The following KATNAL2 variants were observed in gnomAD, a reference collection of about 807,000 sequenced individuals.
The protein encoded by KATNAL2 is katanin p60 ATPase-containing subunit A-like 2.
KATNAL2 carries 52 observed loss-of-function variants against 76.3 expected under a neutral mutation model. That is an observed-to-expected ratio of 0.68 (90% confidence interval 0.55 to 0.86). The LOEUF is 0.86. KATNAL2 is among the 40% of genes least tolerant of loss of function. KATNAL2 has a pLI of 0.00. For missense variants in KATNAL2, 660 were observed against 668.9 expected, an observed-to-expected ratio of 0.99 and a Z score of 0.15; for synonymous variants, 243 against 244.2, an observed-to-expected ratio of 1.00 and a Z score of 0.05.
chr18:47,082,844 T>C (rs777643553), intron 15 of KATNAL2, among the ~76,000 whole-genome samples: 1 of 152,196 alleles, frequency 6.6e-6, no homozygotes, highest in Non-Finnish European at 1.5e-5. Context: ...CATGAAAGTA[T>C]GGTAGAGCCT....
chr18:46,953,768 G>T (rs1359600476), intron 3 of KATNAL2, among the ~76,000 whole-genome samples: 1 of 150,062 alleles, frequency 6.7e-6, no homozygotes, highest in Non-Finnish European at 1.5e-5. Flanking sequence ...AAAAAAAAAA[G>T]ATATAAAAAA....
At chr18:46,936,966 C>CA (rs746057383) in intron 1 of KATNAL2, among the ~76,000 whole-genome samples, 2 of 151,850 alleles carry the variant, frequency 1.3e-5, no homozygotes, top group African/African-American at 4.8e-5. Context: ...AAAAGAAAAA[C>CA]AAAAAAATTA....
chr18:47,061,723 T>C (rs2147145842), intron 8 of KATNAL2, among the ~76,000 whole-genome samples: 2 of 152,360 alleles, frequency 1.3e-5, no homozygotes, highest in African/African-American at 4.8e-5. Flanking sequence ...TAAGTTGTTT[T>C]ATAATTTCTC....
intron 3 of KATNAL2, among the ~76,000 whole-genome samples, chr18:47,025,816 T>C: frequency 6.6e-6 from 1 of 152,306 alleles, no homozygotes; most frequent in African/African-American, 2.4e-5. Flanking sequence ...GCAGGATCCT[T>C]AGGTTGATGC....
chr18:46,917,639 G>C lies in KATNAL2; in HGVS notation c.-797G>C. ...GACAGCGCCCGCCCGCGCCTGCCCC[G>C]GCGTGCTGCCCCGCGGCTTGGCCCC... is the stretch of plus-strand genomic sequence containing the variant. On this transcript the variant is annotated 5_prime_UTR_variant, in exon 1 of 18. Coordinates refer to ENST00000683218, the MANE Select transcript of KATNAL2 (RefSeq NM_001387690.1). 2 of 817,472 alleles carry C rather than the reference G, an allele frequency of 2.4e-6. No individual in the cohort carries two copies. The highest frequency in any genetic ancestry group is 3.0e-6 in the Non-Finnish European group (2 of 673,322). 50.6% of individuals were successfully genotyped at this position (817,472 alleles called of 1,614,324 possible).
Position 46,917,627 on chromosome 18 carries a change from C to T in KATNAL2, c.-809C>T, listed in dbSNP as rs896011176. On this transcript the variant is annotated 5_prime_UTR_variant, in exon 1 of 18. Transcript: ENST00000683218. Reference sequence around the variant, plus strand: ...AGTCCGCGCGGCGACAGCGCCCGCCCGCGCCTGCCCCGGCGTGCTGCCCCG... The same window carrying T: ...AGTCCGCGCGGCGACAGCGCCCGCCTGCGCCTGCCCCGGCGTGCTGCCCCG... 38 of 915,802 alleles carry T rather than the reference C, an allele frequency of 4.1e-5. No individual in the cohort carries two copies. In the East Asian group the frequency reaches 3.4e-3, roughly 82 times the overall value. The allele number at this position is 915,802 out of a possible 1,614,324, so 56.7% of individuals were successfully genotyped here. A position where few individuals can be genotyped will look rare whatever the true frequency, so the allele number is the denominator to read the frequency against.
At chr18:47,041,401 C>G (rs1482408997) in intron 3 of KATNAL2, among the ~76,000 whole-genome samples, 1 of 152,222 alleles carries the variant, frequency 6.6e-6, no homozygotes, top group Non-Finnish European at 1.5e-5. Context: ...TATCCTTTTA[C>G]TGTCTCTATA....
At chr18:47,071,965 T>C (rs2062024096) in intron 13 of KATNAL2, among the ~76,000 whole-genome samples, 4 of 96,162 alleles carry the variant, frequency 4.2e-5, no homozygotes, top group Non-Finnish European at 5.9e-5. Context: ...TTTTTTTTTT[T>C]TTTTTTTTTT....
chr18:47,068,976 C>G (rs907380107), intron 11 of KATNAL2, among the ~76,000 whole-genome samples: 3 of 152,032 alleles, frequency 2.0e-5, no homozygotes, highest in Non-Finnish European at 2.9e-5. Context: ...CCTTTCCTTC[C>G]AAAAAAATTG....
At chr18:47,035,675 A>C (rs1021974503) in intron 3 of KATNAL2, 5 of 327,574 alleles carry the variant, frequency 1.5e-5, no homozygotes, top group East Asian at 7.3e-5. Flanking sequence ...CACAATGCAG[A>C]CAATCGGGAC....
At chr18:47,048,353 G>T (rs1173239610) in intron 4 of KATNAL2, among the ~76,000 whole-genome samples, 2 of 152,210 alleles carry the variant, frequency 1.3e-5, no homozygotes, top group Non-Finnish European at 2.9e-5. Context: ...AAAGGAAAAA[G>T]GTGAGGAGGG....
chr18:47,071,335 T>C (rs1159225853), intron 13 of KATNAL2, among the ~76,000 whole-genome samples: 1 of 152,128 alleles, frequency 6.6e-6, no homozygotes, highest in African/African-American at 2.4e-5. Flanking sequence ...AGAAACATAC[T>C]ATGTTCCCTT....
chr18:47,075,496 T>A (rs2062174731), intron 14 of KATNAL2, 128 bp downstream of exon 14: 1 of 543,634 alleles, frequency 1.8e-6, no homozygotes, highest in African/African-American at 2.0e-5. Flanking sequence ...AGCCCACAAA[T>A]TTTCTGCAGA....
At chr18:47,031,335 A>T (rs1228089303) in intron 3 of KATNAL2, among the ~76,000 whole-genome samples, 2 of 151,298 alleles carry the variant, frequency 1.3e-5, no homozygotes, top group African/African-American at 2.4e-5. Flanking sequence ...TGAAATATGT[A>T]TGTTTTCGGC....
chr18:47,047,070 A>G (rs947381011), intron 4 of KATNAL2, among the ~76,000 whole-genome samples: 1 of 151,972 alleles, frequency 6.6e-6, no homozygotes, highest in African/African-American at 2.4e-5. Context: ...GCTGGTGTGT[A>G]CCATCATGCC....
At chr18:47,034,358 T>A (rs2054081238) in intron 3 of KATNAL2, 1 of 1,613,768 alleles carries the variant, frequency 6.2e-7, no homozygotes, top group Admixed American at 1.7e-5. Flanking sequence ...TTCTGGTGAC[T>A]GTCTGGAGCC....
chr18:47,099,482 G>C, intron 16 of KATNAL2, 77 bp downstream of exon 16: 1 of 1,371,726 alleles, frequency 7.3e-7, no homozygotes, highest in Non-Finnish European at 9.8e-7. Context: ...GTCTTACCAT[G>C]AGCTGATAGA....
At chr18:46,921,208 A>G (rs969759197) in intron 1 of KATNAL2, among the ~76,000 whole-genome samples, 2 of 152,108 alleles carry the variant, frequency 1.3e-5, no homozygotes, top group African/African-American at 4.8e-5. Context: ...GCTCACTGCA[A>G]CCTCTGCCCC....
chr18:47,084,320 T>C (rs1473471770), intron 15 of KATNAL2: 1 of 702,824 alleles, frequency 1.4e-6, no homozygotes, highest in African/African-American at 1.7e-5. Context: ...GTAACCCTTG[T>C]TCTTTCCATA....
Sources: gnomAD v4.1 joint callset for allele counts (sites outside exome capture counted in the v4.1 genomes callset) on GRCh38, gnomAD v4.1.1 for gene constraint, MANE v1.5 for transcripts, NCBI Gene and HGNC (gene_info 2026-07-23, HGNC 2026-07-21) for gene names.